The following SLC26A8 variants were observed in gnomAD, a reference collection of about 807,000 sequenced individuals.
SLC26A8 encodes the protein testis anion transporter 1.
SLC26A8 carries 70 observed loss-of-function variants against 105.0 expected under a neutral mutation model. The observed-to-expected ratio is 0.67, with a 90% CI of 0.55 to 0.81. The LOEUF (loss-of-function observed/expected upper bound fraction) is 0.81, where lower values mean the gene tolerates loss of function less well. Ranked by LOEUF, SLC26A8 falls within the 40% of genes least tolerant of loss-of-function variation. SLC26A8 has a pLI of 0.00. For synonymous variants in SLC26A8, 415 were observed against 438.3 expected, an observed-to-expected ratio of 0.95 and a Z score of 0.66; for missense variants, 998 against 1,181.8, an observed-to-expected ratio of 0.84 and a Z score of 2.28.
chr6:36,006,395 C>T lies in SLC26A8; in HGVS notation c.328+5838G>A, dbSNP rs143017436. On this transcript the variant is annotated intron_variant, in intron 3 of 19. Transcript: ENST00000490799. ...TCAGCCTCCCAAAGTGTTGGGATTA[C>T]AGGTGTGAGCTACCATAACCAGTTA... 3.0e-3 allele frequency among the ~76,000 whole-genome samples: 462 copies of T among 152,304 alleles called. 2 individuals are homozygous for T. Among genetic ancestry groups the T allele is most frequent in the African/African-American group, 0.011 (453 of 41,570 alleles).
chr6:35,982,851 G>T (rs1773333762), intron 7 of SLC26A8, among the ~76,000 whole-genome samples: 1 of 152,118 alleles, frequency 6.6e-6, no homozygotes, highest in East Asian at 1.9e-4. Context: ...CAAAGAAAAA[G>T]TTCTGTAGCA....
intron 10 of SLC26A8, among the ~76,000 whole-genome samples, chr6:35,970,813 G>A (rs953986899): frequency 2.6e-5 from 4 of 152,046 alleles, no homozygotes; most frequent in Non-Finnish European, 5.9e-5. Flanking sequence ...ATCACCTGAG[G>A]TCAGGAGTTC....
At chr6:35,986,444 A>T (rs1167295825) in intron 7 of SLC26A8, among the ~76,000 whole-genome samples, 1 of 152,118 alleles carries the variant, frequency 6.6e-6, no homozygotes, top group Non-Finnish European at 1.5e-5. Flanking sequence ...GATCTCTTGA[A>T]ATTATTCCTC....
Position 35,961,069 on chromosome 6 carries a change from T to C in SLC26A8, c.1492A>G (p.Ile498Val), listed in dbSNP as rs116528901. 3.9e-4 allele frequency: 634 copies of C among 1,613,942 alleles called. 2 individuals are homozygous for C. The African/African-American group carries it at 5.1e-3, about 13-fold the overall frequency. ...AGTCCAATGTCCAGTCCCAGGAAAA[T>C]TGAAGATGAGAATGTCATCATCCAA... ...ALWMMTFSSSIFLGLDIGLII... is the reference protein window; with the variant it reads ...ALWMMTFSSSVFLGLDIGLII... The change falls in exon 13 of 20, where the codon ATT (isoleucine) becomes GTT (valine). Residue 498 changes from isoleucine (I) to valine (V), a missense_variant. Coordinates refer to ENST00000490799, the MANE Select transcript of SLC26A8 (RefSeq NM_052961.4).
At chr6:35,999,907 G>A in intron 4 of SLC26A8, 85 bp downstream of exon 4, 1 of 894,788 alleles carries the variant, frequency 1.1e-6, no homozygotes, top group Non-Finnish European at 1.8e-6. Context: ...CTATCTTAAA[G>A]CTTTATGTTG....
At chr6:36,005,211 A>G (rs1034643606) in intron 3 of SLC26A8, among the ~76,000 whole-genome samples, 1 of 152,210 alleles carries the variant, frequency 6.6e-6, no homozygotes, top group African/African-American at 2.4e-5. Context: ...TTACAAAAAT[A>G]ATGCAGTTTC....
chr6:36,011,543 G>C (rs537535778), intron 3 of SLC26A8, among the ~76,000 whole-genome samples: 1 of 152,330 alleles, frequency 6.6e-6, no homozygotes, highest in East Asian at 1.9e-4. Context: ...GAAGACCAAA[G>C]AGTGAGCACT....
At chr6:35,979,186 T>A in intron 8 of SLC26A8, among the ~76,000 whole-genome samples, 1 of 151,756 alleles carries the variant, frequency 6.6e-6, no homozygotes, top group South Asian at 2.1e-4. Context: ...ATTTATAATT[T>A]ATAACTTAAG....
chr6:35,977,294 G>T lies in SLC26A8; in HGVS notation c.1083C>A (p.Ala361=), dbSNP rs1206425703. ...AGGAGCTCACCAAAGATAAGGAGAA[G>T]GCTTGTAAAATTATCTTGGGAAGAA... The part of the protein sequence containing the change: ...FSLLPKIILQ[A]FSLSLVSSFL... Residue 361 remains alanine, a synonymous_variant, in exon 9 of 20, where the codon GCC becomes GCA. Coordinates refer to ENST00000490799, the MANE Select transcript of SLC26A8 (RefSeq NM_052961.4). 3 of 1,614,028 alleles carry T rather than the reference G, an allele frequency of 1.9e-6. No homozygotes were observed. The highest frequency in any genetic ancestry group is 1.6e-4 in the Middle Eastern group (1 of 6,062).
chr6:35,952,291 T>C (rs1332129872), intron 17 of SLC26A8, among the ~76,000 whole-genome samples: 1 of 152,092 alleles, frequency 6.6e-6, no homozygotes, highest in Admixed American at 6.6e-5. Context: ...AGTGATGCAG[T>C]AGGGAACGGA....
chr6:36,017,670 C>T lies in SLC26A8; in HGVS notation c.188+1850G>A, dbSNP rs530251253. 1.4e-4 allele frequency among the ~76,000 whole-genome samples: 22 copies of T among 152,140 alleles called. No individual in the cohort carries two copies. The East Asian group carries it at 3.5e-3, about 24-fold the overall frequency. On this transcript the variant is annotated intron_variant, in intron 2 of 19. Transcript: ENST00000490799. ...CAAAACAAAACAAAACACCAAAAAA[C>T]TTTTCTACATCAAAGGACACTGTAT... is the stretch of plus-strand genomic sequence containing the variant.
At chr6:36,014,966 G>A (rs763310202) in intron 2 of SLC26A8, among the ~76,000 whole-genome samples, 4 of 152,080 alleles carry the variant, frequency 2.6e-5, no homozygotes, top group Non-Finnish European at 2.9e-5. Context: ...ATCACTTTAC[G>A]AGGCAGGTGC....
chr6:35,965,251 G>C (rs9462149), intron 11 of SLC26A8, among the ~76,000 whole-genome samples: 3,090 of 152,144 alleles, frequency 0.02, 109 homozygotes, highest in African/African-American at 0.07. Context: ...CTAAAGTTTT[G>C]AAAATGAGCA....
rs759158549 is a variant in SLC26A8, at chr6:36,012,242, C to A, written c.319G>T (p.Val107Phe). 2 of 1,612,324 alleles carry A rather than the reference C, an allele frequency of 1.2e-6. No individual in the cohort carries two copies. Among genetic ancestry groups the A allele is most frequent in the Admixed American group, 1.7e-5 (1 of 59,470 alleles). The change falls in exon 3 of 20, where the codon GTT becomes TTT. Residue 107 changes from valine to phenylalanine, a missense_variant. By Grantham distance (50) the Val-to-Phe change is conservative. Coordinates refer to ENST00000490799, the MANE Select transcript of SLC26A8 (RefSeq NM_052961.4). ...LAGISVGLVQ[V>F]PQGLTLSLLA... ...TTCATATCTTCCTTACCTTGGGGAA[C>A]TTGCACAAGGCCAACACTTATACCA...
intron 14 of SLC26A8, chr6:35,960,067 C>T: frequency 3.2e-6 from 1 of 311,684 alleles, no homozygotes; most frequent in Non-Finnish European, 5.9e-6. Flanking sequence ...TGCCATCACG[C>T]CCTGCTAATT....
At chr6:36,006,570 C>T (rs1761693030) in intron 3 of SLC26A8, among the ~76,000 whole-genome samples, 1 of 152,152 alleles carries the variant, frequency 6.6e-6, no homozygotes, top group Admixed American at 6.5e-5. Context: ...TATCCTCCAA[C>T]TTTGGTCTTT....
chr6:35,951,597 T>G (rs1771875774), intron 17 of SLC26A8, 98 bp from the exon 18 acceptor site: 1 of 1,302,284 alleles, frequency 7.7e-7, no homozygotes, highest in African/African-American at 1.5e-5. Flanking sequence ...TTTGGTTTTT[T>G]GTGACAGAGT....
intron 7 of SLC26A8, among the ~76,000 whole-genome samples, chr6:35,987,436 A>T (rs1773565667): frequency 6.6e-6 from 1 of 151,996 alleles, no homozygotes; most frequent in South Asian, 2.1e-4. Context: ...CAGTGGCATG[A>T]TCTCAGCTCA....
rs748821012 is a variant in SLC26A8, at chr6:35,959,577, C to A, written c.1746G>T (p.Lys582Asn). 4.1e-5 allele frequency: 66 copies of A among 1,613,126 alleles called. No individual in the cohort carries two copies. Among genetic ancestry groups the A allele is most frequent in the Non-Finnish European group, 5.6e-5 (66 of 1,179,770 alleles). The change falls in exon 16 of 20, where the codon AAG becomes AAT. Residue 582 changes from lysine (K) to asparagine (N), a missense_variant. Transcript: ENST00000490799. ...AAATTTCTTCTTCTTTAAGAGGCAC[C>A]TTTACCATATCAACCTGAAAGACAT... ...HKLLKEVDMVKVPLKEEEIFS... is the reference protein window; with the variant it reads ...HKLLKEVDMVNVPLKEEEIFS...
Sources: allele counts gnomAD v4.1 joint callset (sites outside exome capture counted in the v4.1 genomes callset), GRCh38; gene constraint gnomAD v4.1.1; transcripts MANE v1.5; gene names NCBI Gene and HGNC (gene_info 2026-07-23, HGNC 2026-07-21).